Variants in SEC13 observed in about 807,000 individuals in gnomAD.
The protein encoded by SEC13 is protein SEC13 homolog.
In SEC13, 25 loss-of-function variants were observed where a neutral mutation model predicts 49.2. That is an observed-to-expected ratio of 0.51 (90% CI 0.37 to 0.71). SEC13 has a LOEUF of 0.71. SEC13 is among the 30% of genes least tolerant of loss of function. SEC13 has a pLI of 0.00. For synonymous variants in SEC13, 148 were observed against 163.9 expected (o/e 0.90, Z 0.74); for missense variants, 383 against 417.6 (o/e 0.92, Z 0.72).
At position 10,321,096 on chromosome 3, in the gene SEC13, C is replaced by A; in HGVS notation, c.-44G>T. 6.2e-7 allele frequency: 1 copy of A among 1,612,092 alleles called. No homozygotes were observed. Among genetic ancestry groups the A allele is most frequent in the Non-Finnish European group, 8.5e-7 (1 of 1,179,428 alleles). On this transcript the variant is annotated 5_prime_UTR_variant, in exon 1 of 9. Coordinates refer to ENST00000350697, the MANE Select transcript of SEC13 (RefSeq NM_183352.3). The surrounding 1 kb of genome is among the most constrained non-coding windows in gnomAD (Gnocchi z 4.1). Reference sequence around the variant, plus strand: ...TCCAGGTCTCGGACGTGGCAGCTCCCGGCGGCGCCTCGGAACAGCTCACTT... The same window carrying A: ...TCCAGGTCTCGGACGTGGCAGCTCCAGGCGGCGCCTCGGAACAGCTCACTT...
At chr3:10,320,003 T>TGG (rs1330211058) in intron 1 of SEC13, among the ~76,000 whole-genome samples, 15 of 18,690 alleles carry the variant, frequency 8.0e-4, no homozygotes, top group African/African-American at 1.9e-3. Flanking sequence ...AGAGGGAGGG[T>TGG]GGGGAGAGAG....
At chr3:10,320,737 G>C (rs776336812) in intron 1 of SEC13, 76 of 1,228,358 alleles carry the variant, frequency 6.2e-5, no homozygotes, top group Non-Finnish European at 6.9e-5. Flanking sequence ...ACAATGCTGA[G>C]GGCTCGGTAT....
At chr3:10,303,941 G>C in intron 8 of SEC13, 85 bp downstream of exon 8, 1 of 1,481,912 alleles carries the variant, frequency 6.7e-7, no homozygotes, top group Non-Finnish European at 9.3e-7. Flanking sequence ...CCTGCAGTCA[G>C]ATGGGAATGT....
rs111522114 is a variant in SEC13 at position 10,320,894 on chromosome 3, C to G, written c.3+156G>C. ...ACCTCTGGACTCCCCTCGGAATGGT[C>G]CGCAAGGACGGGGCCAGAGCCCCCC... On this transcript the variant is annotated intron_variant, in intron 1 of 8. Coordinates refer to ENST00000350697, the MANE Select transcript of SEC13 (RefSeq NM_183352.3). The G allele has an allele frequency of 2.8e-6, 4 of 1,442,712 alleles. No homozygotes were observed. In the African/African-American group the frequency reaches 5.9e-5, roughly 21 times the overall value. 89.4% of individuals were successfully genotyped at this position (1,442,712 alleles called of 1,614,324 possible).
chr3:10,309,925 C>G (rs973174765), intron 5 of SEC13, among the ~76,000 whole-genome samples: 1 of 152,230 alleles, frequency 6.6e-6, no homozygotes, highest in African/African-American at 2.4e-5. Context: ...CTCTTCCCCA[C>G]ATTGGTCTAC....
At chr3:10,310,831 G>C (rs753041731) in intron 5 of SEC13, among the ~76,000 whole-genome samples, 8 of 152,096 alleles carry the variant, frequency 5.3e-5, no homozygotes, top group African/African-American at 1.9e-4. Flanking sequence ...TCTGATGAAT[G>C]GATAAACAAA....
intron 5 of SEC13, among the ~76,000 whole-genome samples, chr3:10,307,334 G>T (rs1013493959): frequency 3.3e-5 from 5 of 151,506 alleles, no homozygotes; most frequent in South Asian, 4.2e-4. Context: ...TCAGCCTCCC[G>T]TGTAGCTGGG....
At position 10,301,029 on chromosome 3, in the gene SEC13, A is replaced by AACATC. The variant is rs1173137078; in HGVS notation, c.*227_*231dup. 3 of 1,548,446 alleles carry AACATC rather than the reference A, an allele frequency of 1.9e-6. No individual in the cohort carries two copies. The highest frequency in any genetic ancestry group is 1.4e-5 in the African/African-American group (1 of 73,618). ...ATAAAAATGACCCAAAATAGATTTG[A>AACATC]ACATCACTTGTAGTTTCTTCCTCGT... is the stretch of plus-strand genomic sequence containing the variant. On this transcript the variant is annotated 3_prime_UTR_variant, in exon 9 of 9. Coordinates refer to ENST00000350697, the MANE Select transcript of SEC13 (RefSeq NM_183352.3).
At position 10,305,712 on chromosome 3, in the gene SEC13, G is replaced by A. The variant is rs1345343702; in HGVS notation, c.451-20C>T. 3 of 1,613,800 alleles carry A rather than the reference G, an allele frequency of 1.9e-6. No homozygotes were observed. Among genetic ancestry groups the A allele is most frequent in the Non-Finnish European group, 2.5e-6 (3 of 1,179,722 alleles). The stretch of plus-strand genomic sequence containing the variant: ...GCCAATCTGTAAAGATGGGACACAT[G>A]GTGACTCTGCCTTGCAAGAGAACAC... On this transcript the variant is annotated intron_variant, in intron 5 of 8. Coordinates refer to ENST00000350697, the MANE Select transcript of SEC13 (RefSeq NM_183352.3).
In SEC13 at chr3:10,315,350, T is replaced by C; in HGVS notation, c.135A>G (p.Gly45=). The change falls in exon 3 of 9, where the codon GGA becomes GGG. Residue 45 remains glycine (G), a synonymous_variant. Transcript: ENST00000350697. ...TGAGGTCGGCGATAAGGATCTGCCC[T>C]CCATTGCGCACATCAAAGATTTTGA... The part of the protein sequence containing the change: ...RSVKIFDVRN[G]GQILIADLRG... 1 of 1,613,832 alleles carries C rather than the reference T, an allele frequency of 6.2e-7. No homozygotes were observed. The highest frequency in any genetic ancestry group is 8.5e-7 in the Non-Finnish European group (1 of 1,179,890).
intron 8 of SEC13, 119 bp downstream of exon 8, chr3:10,303,907 G>T: frequency 9.1e-7 from 1 of 1,101,880 alleles, no homozygotes; most frequent in Non-Finnish European, 1.3e-6. Flanking sequence ...TCAAAACGCA[G>T]TCCTGGCTAA....
rs564843278 is a variant in SEC13, at chr3:10,320,646, G to A, written c.3+404C>T. The A allele has an allele frequency of 7.8e-6, 8 of 1,022,672 alleles. No homozygotes were observed. The South Asian group carries it at 3.5e-4, about 45-fold the overall frequency. The allele number at this position is 1,022,672 out of a possible 1,614,324, so 63.3% of individuals were successfully genotyped here. ...GCTGTGCAAGAGGCTCCACGTCTCC[G>A]AACCTCAAGTGTCCTCATCTGTAAA... On this transcript the variant is annotated intron_variant, in intron 1 of 8. Coordinates refer to ENST00000350697, the MANE Select transcript of SEC13 (RefSeq NM_183352.3).
rs769588170 is a variant in SEC13, at chr3:10,321,100, G to T, written c.-48C>A. ...GGTCTCGGACGTGGCAGCTCCCGGC[G>T]GCGCCTCGGAACAGCTCACTTCCGG... On this transcript the variant is annotated 5_prime_UTR_variant, in exon 1 of 9. Coordinates refer to ENST00000350697, the MANE Select transcript of SEC13 (RefSeq NM_183352.3). The surrounding 1 kb of genome is among the most constrained non-coding windows in gnomAD (Gnocchi z 4.1). 2.5e-6 allele frequency: 4 copies of T among 1,612,068 alleles called. No homozygotes were observed. Among genetic ancestry groups the T allele is most frequent in the South Asian group, 2.2e-5 (2 of 90,696 alleles).
chr3:10,310,445 C>T (rs1376453703), intron 5 of SEC13, among the ~76,000 whole-genome samples: 1 of 152,068 alleles, frequency 6.6e-6, no homozygotes, highest in East Asian at 1.9e-4. Context: ...GAGCCGAGAT[C>T]ATGTCACTGC....
intron 1 of SEC13, chr3:10,320,627 C>T (rs1559503984): frequency 9.9e-7 from 1 of 1,006,214 alleles, no homozygotes; most frequent in African/African-American, 1.7e-5. Context: ...AGCAGCTGTG[C>T]AAGAGGCTCC....
Position 10,301,139 on chromosome 3 carries a change from T to TAACTC in SEC13, c.*117_*121dup. The TAACTC allele has an allele frequency of 6.2e-7, 1 of 1,613,920 alleles. No individual in the cohort carries two copies. Among genetic ancestry groups the TAACTC allele is most frequent in the Non-Finnish European group, 8.5e-7 (1 of 1,179,906 alleles). ...GATGATCAATCTGTGGCTGCATCTGTAACTCCTCCTGGGAAAATAATCCTG... is the reference window on the plus strand; with the variant it reads ...GATGATCAATCTGTGGCTGCATCTGTAACTCAACTCCTCCTGGGAAAATAATCCTG... On this transcript the variant is annotated 3_prime_UTR_variant, in exon 9 of 9. Transcript: ENST00000350697.
intron 5 of SEC13, 98 bp from the exon 6 acceptor site, chr3:10,305,790 G>GGA (rs1700837115): frequency 7.3e-7 from 1 of 1,370,602 alleles, no homozygotes. Context: ...TCTCAGGACT[G>GGA]GAGTGTGTGT....
intron 8 of SEC13, among the ~76,000 whole-genome samples, chr3:10,303,086 GAA>G (rs1225592436): frequency 2.0e-5 from 3 of 152,226 alleles, no homozygotes; most frequent in Non-Finnish European, 4.4e-5. Flanking sequence ...TTTTGCAGCT[GAA>G]AAGAGTTCTG....
At chr3:10,317,168 A>T (rs1314785721) in intron 2 of SEC13, among the ~76,000 whole-genome samples, 1 of 152,216 alleles carries the variant, frequency 6.6e-6, no homozygotes, top group Non-Finnish European at 1.5e-5. Flanking sequence ...AGGCTGGCTC[A>T]GAAAAGTTAA....
Sources: gnomAD v4.1 joint callset for allele counts (sites outside exome capture counted in the v4.1 genomes callset) on GRCh38, gnomAD v4.1.1 for gene constraint, Gnocchi (gnomAD v3.1) non-coding constraint, MANE v1.5 for transcripts, NCBI Gene and HGNC (gene_info 2026-07-23, HGNC 2026-07-21) for gene names.